Variants in JAG2 observed in about 807,000 individuals in gnomAD.
The protein encoded by JAG2 is protein jagged-2.
Under a neutral mutation model 141.7 loss-of-function variants are expected in JAG2, and 46 were observed. The observed-to-expected ratio is 0.32, with a 90% CI of 0.26 to 0.42. The LOEUF (loss-of-function observed/expected upper bound fraction) is 0.42. Among genes scored for constraint, JAG2 ranks in the 10% least tolerant of loss-of-function variants. The probability of loss-of-function intolerance (pLI) is 1.00; values close to 1 mark genes in which losing one functional copy is unlikely to be tolerated. For missense variants in JAG2, 1,500 were observed against 1,817.5 expected, an observed-to-expected ratio of 0.83 and a Z score of 3.18; for synonymous variants, 862 against 763.5, an observed-to-expected ratio of 1.13 and a Z score of -2.13.
rs372976304 is a variant in JAG2, at chr14:105,154,221, T to G, written c.788+1341A>C. Among the ~76,000 whole-genome samples, 5 of 152,276 alleles carry G rather than the reference T, an allele frequency of 3.3e-5. No homozygotes were observed. Among genetic ancestry groups the G allele is most frequent in the African/African-American group, 1.2e-4 (5 of 41,560 alleles). ...CGCTGTGTGACCCTGGGGAAATCAG[T>G]AGGCTCTCTGTGCCCCAGTGTCCTC... On this transcript the variant is annotated intron_variant, in intron 5 of 25. Transcript: ENST00000331782. This position sits in a 1 kb window ranked among gnomAD's most constrained non-coding sequence, Gnocchi z 4.4.
rs375237099 is a variant in JAG2 at position 105,155,976 on chromosome 14, G to T, written c.489C>A (p.Ile163=). The T allele has an allele frequency of 1.2e-6, 2 of 1,605,502 alleles. No individual in the cohort carries two copies. Among genetic ancestry groups the T allele is most frequent in the Admixed American group, 1.7e-5 (1 of 59,984 alleles). The change falls in exon 4 of 26, where the codon ATC becomes ATA. Residue 163 remains isoleucine, a synonymous_variant. Transcript: ENST00000331782. ...TCATGCCGGCATGCGACACTCGCTC[G>T]ATCAGCAGCTCCTCTTGGGGAGGCG... ...NDTTPNEELL[I]ERVSHAGMIN... is the part of the protein sequence containing the mutation.
At position 105,149,185 on chromosome 14, in the gene JAG2, C is replaced by A; in HGVS notation, c.1738G>T (p.Gly580Cys). 6.2e-7 allele frequency: 1 copy of A among 1,611,948 alleles called. No individual in the cohort carries two copies. Among genetic ancestry groups the A allele is most frequent in the Non-Finnish European group, 8.5e-7 (1 of 1,179,800 alleles). Residue 580 changes from glycine (G) to cysteine (C), a missense_variant, in exon 13 of 26, where the codon GGC becomes TGC. Transcript: ENST00000331782. ...NCSVPREPCP[G>C]GACRVIDGCG... ...CACCCAGCACCTCTGCAGGCCCCGC[C>A]AGGGCACGGCTCGCGGGGCACGGAG...
intron 15 of JAG2, 32 bp downstream of exon 15, chr14:105,148,713 C>T (rs1235698460): frequency 5.3e-6 from 8 of 1,520,940 alleles, no homozygotes; most frequent in African/African-American, 1.4e-5. Context: ...GGTGGAGGCA[C>T]AGGCCGTGTG....
chr14:105,166,407 A>C (rs1888910861), intron 2 of JAG2, among the ~76,000 whole-genome samples: 1 of 152,198 alleles, frequency 6.6e-6, no homozygotes, highest in African/African-American at 2.4e-5. Flanking sequence ...TGCCTGCTGC[A>C]CCGCCGTGGG....
In JAG2 at chr14:105,150,544, G is replaced by A. The variant is rs1254422663; in HGVS notation, c.1602+60C>T. 26 of 1,488,760 alleles carry A rather than the reference G, an allele frequency of 1.7e-5. No homozygotes were observed. The East Asian group carries it at 2.2e-4, about 13-fold the overall frequency. The allele number at this position is 1,488,760 out of a possible 1,614,324, so 92.2% of individuals were successfully genotyped here. On this transcript the variant is annotated intron_variant, in intron 12 of 25. Transcript: ENST00000331782. ...CACTCAGGCCCCATGGTCAGGGGAC[G>A]AGGCCTGCCCTACAGCTCCCAGAGC...
intron 25 of JAG2, 102 bp from the exon 26 acceptor site, chr14:105,143,272 G>T: frequency 7.1e-7 from 1 of 1,410,532 alleles, no homozygotes; most frequent in Non-Finnish European, 9.7e-7. Flanking sequence ...CCAGGCGGCC[G>T]GGCCCCACCC....
Position 105,145,799 on chromosome 14 carries a change from G to A in JAG2, c.2884C>T (p.Arg962Cys), listed in dbSNP as rs758867523. 13 of 1,573,144 alleles carry A rather than the reference G, an allele frequency of 8.3e-6. No homozygotes were observed. The highest frequency in any genetic ancestry group is 5.5e-5 in the Admixed American group (3 of 54,706). Residue 962 changes from arginine to cysteine, a missense_variant, in exon 23 of 26, where the codon CGC becomes TGC. Physicochemically the swap from Arg to Cys is radical, Grantham distance 180. Coordinates refer to ENST00000331782, the MANE Select transcript of JAG2 (RefSeq NM_002226.5). Reference sequence around the variant, plus strand: ...CAGTTATTGTCCAGGTGGCCGGAGCGTGGCAGGCAGGGGGTGCTCGGTGGC... The same window carrying A: ...CAGTTATTGTCCAGGTGGCCGGAGCATGGCAGGCAGGGGGTGCTCGGTGGC... ...EEPPSTPCLPRSGHLDNNCAR... is the reference protein window; with the variant it reads ...EEPPSTPCLPCSGHLDNNCAR...
At chr14:105,162,842 A>G (rs1023798276) in intron 2 of JAG2, among the ~76,000 whole-genome samples, 14 of 151,768 alleles carry the variant, frequency 9.2e-5, no homozygotes, top group African/African-American at 3.4e-4. Flanking sequence ...AGGGCACTGC[A>G]TGGCCCAGCA....
chr14:105,143,321 G>A, intron 25 of JAG2, 151 bp from the exon 26 acceptor site: 3 of 1,293,624 alleles, frequency 2.3e-6, no homozygotes, highest in South Asian at 1.3e-5. Flanking sequence ...CAGGACGGGG[G>A]CTGGGAAGGT....
intron 11 of JAG2, 36 bp from the exon 12 acceptor site, chr14:105,150,813 C>A: frequency 1.3e-6 from 2 of 1,572,810 alleles, no homozygotes; most frequent in South Asian, 1.2e-5. Flanking sequence ...CCCGCAGGCA[C>A]CCTGACGGCC....
At position 105,145,071 on chromosome 14, in the gene JAG2, G is replaced by A. The variant is rs769702738; in HGVS notation, c.2953-10C>T. 5 of 1,609,512 alleles carry A rather than the reference G, an allele frequency of 3.1e-6. No homozygotes were observed. The highest frequency in any genetic ancestry group is 4.2e-6 in the Non-Finnish European group (5 of 1,179,710). The stretch of plus-strand genomic sequence containing the variant: ...CGCCCACCGTGGTGCCCTGGGCAGA[G>A]ACAGGCAGTGCGTGGGCAGGGCAGG... On this transcript the variant is annotated splice_polypyrimidine_tract_variant and intron_variant, in intron 23 of 25. Transcript: ENST00000331782.
In JAG2 at chr14:105,150,727, C is replaced by G; in HGVS notation, c.1479G>C (p.Arg493=). The G allele has an allele frequency of 1.3e-6, 2 of 1,576,402 alleles. No homozygotes were observed. The highest frequency in any genetic ancestry group is 8.6e-7 in the Non-Finnish European group (1 of 1,161,552). The stretch of plus-strand genomic sequence containing the variant: ...ACTCGTCTCGTTCCAGCTCGCAATG[C>G]CGGCCTCCGAAGCCCCGTGGGCACA... ...QCVCPRGFGG[R]HCELERDECA... The change falls in exon 12 of 26, where the codon CGG becomes CGC. Residue 493 remains arginine (R), a synonymous_variant. Transcript: ENST00000331782.
chr14:105,145,655 G>A, intron 23 of JAG2, 76 bp downstream of exon 23: 2 of 1,532,724 alleles, frequency 1.3e-6, no homozygotes, highest in Non-Finnish European at 1.8e-6. Flanking sequence ...TGCCCTGCGG[G>A]GCTAGGCTTT....
intron 23 of JAG2, 112 bp from the exon 24 acceptor site, chr14:105,145,173 G>A: frequency 1.4e-6 from 2 of 1,450,590 alleles, no homozygotes; most frequent in Middle Eastern, 2.4e-4. Context: ...CCGCCCAGGA[G>A]AGCACAGCAA....
chr14:105,155,553 C>G lies in JAG2; in HGVS notation c.788+9G>C. 1 of 1,612,820 alleles carries G rather than the reference C, an allele frequency of 6.2e-7. No individual in the cohort carries two copies. Among genetic ancestry groups the G allele is most frequent in the South Asian group, 1.1e-5 (1 of 91,088 alleles). On this transcript the variant is annotated intron_variant, in intron 5 of 25. Transcript: ENST00000331782. Reference sequence around the variant, plus strand: ...TGGGAGGGCAAAGACGGGCCGGCGGCACACTCACCTGCACTCCCCAGGCAC... The same window carrying G: ...TGGGAGGGCAAAGACGGGCCGGCGGGACACTCACCTGCACTCCCCAGGCAC...
intron 25 of JAG2, 48 bp downstream of exon 25, chr14:105,143,434 T>C (rs1170604559): frequency 1.3e-6 from 2 of 1,534,772 alleles, no homozygotes; most frequent in South Asian, 2.4e-5. Flanking sequence ...GCCCAATGCC[T>C]GAGTTGCCTG....
intron 2 of JAG2, among the ~76,000 whole-genome samples, chr14:105,158,602 C>T (rs766748582): frequency 1.3e-5 from 2 of 152,126 alleles, no homozygotes; most frequent in Non-Finnish European, 2.9e-5. Context: ...CAGACATGCT[C>T]AGACAGGTGG....
At chr14:105,149,359 G>C (rs201695814) in intron 12 of JAG2, 39 bp from the exon 13 acceptor site, 1 of 1,611,992 alleles carries the variant, frequency 6.2e-7, no homozygotes, top group South Asian at 1.1e-5. Flanking sequence ...CTAGGCCCAG[G>C]CCCAGGCCGG....
At chr14:105,159,396 C>T (rs976315816) in intron 2 of JAG2, among the ~76,000 whole-genome samples, 1 of 151,960 alleles carries the variant, frequency 6.6e-6, no homozygotes, top group Non-Finnish European at 1.5e-5. Flanking sequence ...TCTTAAGCTC[C>T]CCTTAAACCC....
Sources: gnomAD v4.1 joint callset for allele counts (sites outside exome capture counted in the v4.1 genomes callset) on GRCh38, gnomAD v4.1.1 for gene constraint, Gnocchi (gnomAD v3.1) non-coding constraint, MANE v1.5 for transcripts, NCBI Gene and HGNC (gene_info 2026-07-23, HGNC 2026-07-21) for gene names.